RAD51D: variants seen among roughly 807,000 people sequenced by gnomAD.
RAD51D encodes the protein DNA repair protein RAD51 homolog 4.
In RAD51D, 38 loss-of-function variants were observed where a neutral mutation model predicts 44.1. The observed-to-expected ratio is 0.86, with a 90% CI of 0.67 to 1.13. RAD51D has a LOEUF of 1.13. Among genes scored for constraint, RAD51D ranks in the 50% most tolerant of loss-of-function variants. The pLI, the probability that RAD51D is intolerant of heterozygous loss-of-function variation, is 0.00. For synonymous variants in RAD51D, 141 were observed against 166.6 expected (o/e 0.85, Z 1.18); for missense variants, 390 against 414.0 (o/e 0.94, Z 0.50).
chr17:35,099,810 T>C lies in RAD51D; in HGVS notation c.*1143A>G. ...CTGATCATTTCTGTACTTTTCCTTT[T>C]ATTTTCCATTCCCTGGTGTCTTCGT... On this transcript the variant is annotated 3_prime_UTR_variant, in exon 10 of 10. Transcript: ENST00000345365. 2.1e-6 allele frequency: 1 copy of C among 483,982 alleles called. No homozygotes were observed. The highest frequency in any genetic ancestry group is 2.4e-5 in the Admixed American group (1 of 42,114). The allele number at this position is 483,982 out of a possible 1,614,324, so 30.0% of individuals were successfully genotyped here.
intron 3 of RAD51D, among the ~76,000 whole-genome samples, chr17:35,113,248 G>A (rs760655211): frequency 6.6e-6 from 1 of 152,082 alleles, no homozygotes; most frequent in Non-Finnish European, 1.5e-5. Flanking sequence ...ATGCCGAACA[G>A]CACTTTAGTA....
intron 3 of RAD51D, among the ~76,000 whole-genome samples, chr17:35,108,497 T>TA (rs900458144): frequency 0.17 from 13,304 of 78,266 alleles, 1,837 homozygotes; most frequent in East Asian, 0.22. Flanking sequence ...CTTTTCTCTT[T>TA]AAAAAAAAAA....
intron 3 of RAD51D, among the ~76,000 whole-genome samples, chr17:35,112,709 G>A (rs149731981): frequency 6.6e-6 from 1 of 152,248 alleles, no homozygotes; most frequent in African/African-American, 2.4e-5. Flanking sequence ...TTTTAGTTTT[G>A]ACATGTTCAC....
intron 4 of RAD51D, 118 bp downstream of exon 4, chr17:35,107,248 C>T (rs1000923742): frequency 1.0e-5 from 15 of 1,463,912 alleles, no homozygotes; most frequent in Non-Finnish European, 1.3e-5. Context: ...CCTTATTACC[C>T]ATCTTCTCTC....
At chr17:35,106,342 T>C (rs1167496411) in intron 6 of RAD51D, 44 bp downstream of exon 6, 1 of 1,534,808 alleles carries the variant, frequency 6.5e-7, no homozygotes, top group Non-Finnish European at 9.0e-7. Flanking sequence ...AGATAGCACC[T>C]AGAAAGCTGA....
intron 3 of RAD51D, chr17:35,116,834 G>A (rs2091754375): frequency 1.4e-6 from 2 of 1,477,886 alleles, no homozygotes; most frequent in Non-Finnish European, 1.9e-6. Context: ...ATTGGTGGTT[G>A]TGACGAATAA....
rs767039876 is a variant in RAD51D at position 35,116,891 on chromosome 17, G to A, written c.263+1610C>T. The A allele has an allele frequency of 3.0e-5, 48 of 1,589,020 alleles. No individual in the cohort carries two copies. The highest frequency in any genetic ancestry group is 3.0e-4 in the South Asian group (26 of 87,762). On this transcript the variant is annotated intron_variant, in intron 3 of 9. Coordinates refer to ENST00000345365, the MANE Select transcript of RAD51D (RefSeq NM_002878.4). ...TGCTGACCGCAGTGCCTCGTTCATC[G>A]AAAGCATTCAGCGAAAGTCCATCTG...
At chr17:35,115,818 C>T (rs967236715) in intron 3 of RAD51D, among the ~76,000 whole-genome samples, 1 of 150,020 alleles carries the variant, frequency 6.7e-6, no homozygotes, top group African/African-American at 2.5e-5. Flanking sequence ...TGCAGTGAGC[C>T]GAGATCACGC....
At chr17:35,107,550 G>A (rs1244446902) in intron 3 of RAD51D, 103 bp from the exon 4 acceptor site, 2 of 947,980 alleles carry the variant, frequency 2.1e-6, no homozygotes, top group Non-Finnish European at 3.4e-6. Flanking sequence ...CACTGGTTCT[G>A]TCTTTGAACA....
chr17:35,105,656 A>G (rs2091592931), intron 6 of RAD51D, among the ~76,000 whole-genome samples: 1 of 152,206 alleles, frequency 6.6e-6, no homozygotes. Context: ...CATGAGTAGC[A>G]AAGTGCCAAC....
In RAD51D at chr17:35,117,393, GAACA is replaced by G. The variant is rs574188634; in HGVS notation, c.263+1104_263+1107del. Among the ~76,000 whole-genome samples, 14 of 152,286 alleles carry G rather than the reference GAACA, an allele frequency of 9.2e-5. 1 individual carries two copies. The South Asian group carries it at 2.9e-3, about 32-fold the overall frequency. ...TGGTGGCAGTTATTCATCAATTTCT[GAACA>G]AACAGACCAGGAAAAAGGTCAAGAC... On this transcript the variant is annotated intron_variant, in intron 3 of 9. Coordinates refer to ENST00000345365, the MANE Select transcript of RAD51D (RefSeq NM_002878.4).
chr17:35,116,950 C>T, intron 3 of RAD51D: 1 of 1,613,734 alleles, frequency 6.2e-7, no homozygotes, highest in Non-Finnish European at 8.5e-7. Context: ...TTCTTCAGAG[C>T]ATTCCTGACC....
chr17:35,102,985 C>A (rs2142416794), intron 8 of RAD51D, among the ~76,000 whole-genome samples: 1 of 152,162 alleles, frequency 6.6e-6, no homozygotes, highest in East Asian at 1.9e-4. Flanking sequence ...AAACTTCAAA[C>A]AAGGAGAAAG....
chr17:35,105,553 G>A (rs1223056475), intron 6 of RAD51D, among the ~76,000 whole-genome samples: 1 of 152,146 alleles, frequency 6.6e-6, no homozygotes, highest in Non-Finnish European at 1.5e-5. Context: ...TGGGGTGAGA[G>A]GAAAAGTTTG....
In RAD51D at chr17:35,098,105, C is replaced by G. The variant is rs1318001432; in HGVS notation, c.*2848G>C. 1 of 152,208 alleles carries G rather than the reference C, an allele frequency of 6.6e-6. No individual in the cohort carries two copies. Among genetic ancestry groups the G allele is most frequent in the Non-Finnish European group, 1.5e-5 (1 of 68,078 alleles). The allele number at this position is 152,208 out of a possible 1,614,324, so 9.4% of individuals were successfully genotyped here. On this transcript the variant is annotated 3_prime_UTR_variant, in exon 10 of 10. Transcript: ENST00000345365. The stretch of plus-strand genomic sequence containing the variant: ...GCCTGCAGGAATGTCACGTGGTGGT[C>G]TCAAGTAGCAGTGAATGCAACACCT...
At chr17:35,110,452 A>C (rs542396768) in intron 3 of RAD51D, among the ~76,000 whole-genome samples, 3 of 152,298 alleles carry the variant, frequency 2.0e-5, no homozygotes, top group Non-Finnish European at 4.4e-5. Context: ...ATTAATCAAA[A>C]ATTTTTTCAT....
intron 6 of RAD51D, 72 bp downstream of exon 6, chr17:35,106,314 T>C: frequency 7.9e-7 from 1 of 1,258,450 alleles, no homozygotes; most frequent in South Asian, 1.2e-5. Context: ...CAGTCTGTAG[T>C]AGGACACCTG....
chr17:35,119,531 C>T lies in RAD51D; in HGVS notation c.82+1G>A, dbSNP rs786202788. 6.2e-7 allele frequency: 1 copy of T among 1,611,756 alleles called. No homozygotes were observed. Among genetic ancestry groups the T allele is most frequent in the Non-Finnish European group, 8.5e-7 (1 of 1,179,906 alleles). The stretch of plus-strand genomic sequence containing the variant: ...TCCCTGGCACGCGCACACCCGGTCA[C>T]CTGTCTTGATCCTGTGGCTCCTGAG... On this transcript the variant is annotated splice_donor_variant, in intron 1 of 9. Coordinates refer to ENST00000345365, the MANE Select transcript of RAD51D (RefSeq NM_002878.4). LOFTEE classifies it high-confidence loss of function.
intron 3 of RAD51D, 45 bp from the exon 4 acceptor site, chr17:35,107,492 A>G: frequency 7.0e-7 from 1 of 1,426,196 alleles, no homozygotes. Context: ...GTTAGGAGGA[A>G]GACAGGGGAA....
Sources: allele counts gnomAD v4.1 joint callset (sites outside exome capture counted in the v4.1 genomes callset), GRCh38; gene constraint gnomAD v4.1.1; transcripts MANE v1.5; gene names NCBI Gene and HGNC (gene_info 2026-07-23, HGNC 2026-07-21).